Variants in SCARB2 observed in about 807,000 individuals in gnomAD.
The protein encoded by SCARB2 is lysosome membrane protein 2.
In SCARB2, 29 loss-of-function variants were observed where a neutral mutation model predicts 58.6. The ratio of observed to expected loss-of-function variants is 0.49; its 90% CI spans 0.37 to 0.67. The LOEUF (loss-of-function observed/expected upper bound fraction) is 0.67, where lower values mean the gene tolerates loss of function less well. SCARB2 is among the 30% of genes least tolerant of loss of function. The pLI is 0.00. For synonymous variants in SCARB2, 195 were observed against 210.1 expected (o/e 0.93, Z 0.62); for missense variants, 488 against 578.5 (o/e 0.84, Z 1.60).
rs1560704596 is a variant in SCARB2, at chr4:76,166,445, A to G, written c.1188-144T>C. ...TTGCTGATTTCTTAGTTATCTTTGC[A>G]AACATGTACCCCAAAAGTTAGATTC... On this transcript the variant is annotated intron_variant, in intron 9 of 11. Coordinates refer to ENST00000264896, the MANE Select transcript of SCARB2 (RefSeq NM_005506.4). 8.5e-6 allele frequency: 7 copies of G among 823,050 alleles called. No homozygotes were observed. In the Admixed American group the frequency reaches 9.7e-5, roughly 11 times the overall value. The allele number at this position is 823,050 out of a possible 1,614,324, so 51.0% of individuals were successfully genotyped here.
At chr4:76,231,681 C>T (rs987221555) in intron 1 of SCARB2, among the ~76,000 whole-genome samples, 4 of 152,178 alleles carry the variant, frequency 2.6e-5, no homozygotes, top group African/African-American at 9.7e-5. Flanking sequence ...GTTTGTTCCA[C>T]AAGGAATCAG....
intron 1 of SCARB2, among the ~76,000 whole-genome samples, chr4:76,231,858 A>G (rs1323174741): frequency 1.3e-5 from 2 of 152,216 alleles, no homozygotes; most frequent in Non-Finnish European, 2.9e-5. Context: ...TGTGTAAACA[A>G]GGGTATGAGG....
rs1242165140 is a variant in SCARB2, at chr4:76,181,074, T to C, written c.303A>G (p.Gln101=). 2 of 1,613,778 alleles carry C rather than the reference T, an allele frequency of 1.2e-6. No homozygotes were observed. Among genetic ancestry groups the C allele is most frequent in the Admixed American group, 3.3e-5 (2 of 60,012 alleles). Residue 101 remains glutamine, a synonymous_variant, in exon 3 of 12, where the codon CAA becomes CAG. Transcript: ENST00000264896. ...ATATTGTTGTTCCATTATCTCCAAA[T>C]TGAATATTTGCTTTGTTTCTGAGTT... ...YRELRNKANI[Q]FGDNGTTISA... is the part of the protein sequence containing the mutation.
intron 10 of SCARB2, chr4:76,165,359 C>T (rs1485060069): frequency 2.0e-5 from 3 of 152,066 alleles, no homozygotes; most frequent in Non-Finnish European, 4.4e-5. Context: ...TTGTATCTAT[C>T]GTATGATTTC....
chr4:76,178,488 A>G (rs1732307726), intron 4 of SCARB2, among the ~76,000 whole-genome samples: 1 of 152,232 alleles, frequency 6.6e-6, no homozygotes, highest in Non-Finnish European at 1.5e-5. Flanking sequence ...TACTTGGCTG[A>G]TGGATTGAAG....
intron 7 of SCARB2, chr4:76,173,700 G>A (rs140276945): frequency 4.0e-4 from 81 of 200,378 alleles, no homozygotes; most frequent in African/African-American, 1.8e-3. Context: ...ATGTAAATAT[G>A]TAAAGCACTT....
At chr4:76,170,208 T>C (rs972624012) in intron 7 of SCARB2, among the ~76,000 whole-genome samples, 1 of 152,212 alleles carries the variant, frequency 6.6e-6, no homozygotes, top group African/African-American at 2.4e-5. Context: ...CCACATTATA[T>C]ATTGAAGTTC....
At chr4:76,214,286 C>T (rs1182713417), upstream of SCARB2, 1 of 456,118 alleles carries the variant, frequency 2.2e-6, no homozygotes, top group Non-Finnish European at 4.4e-6. Context: ...TGCCAGCAAG[C>T]ATGTTCTGCC....
chr4:76,175,567 G>A, intron 6 of SCARB2: 2 of 566,456 alleles, frequency 3.5e-6, no homozygotes, highest in Non-Finnish European at 3.1e-6. Flanking sequence ...TTTGCCCAAG[G>A]TCACACAGCT....
intron 9 of SCARB2, chr4:76,166,522 T>G (rs1732012230): frequency 1.7e-6 from 1 of 601,832 alleles, no homozygotes; most frequent in East Asian, 2.8e-5. Context: ...CACAAGATAC[T>G]GAAGGCAGAT....
In SCARB2 at chr4:76,166,236, G is replaced by A. The variant is rs143699909; in HGVS notation, c.1239+14C>T. On this transcript the variant is annotated intron_variant, in intron 10 of 11. Coordinates refer to ENST00000264896, the MANE Select transcript of SCARB2 (RefSeq NM_005506.4). ...TCTGAAAACACCCGTGGCTCCCTCC[G>A]TCTCAGGACTTACCTCATTGAGGTA... is the stretch of plus-strand genomic sequence containing the variant. The A allele has an allele frequency of 6.2e-3, 9,987 of 1,613,662 alleles. 43 individuals carry two copies. The highest frequency in any genetic ancestry group is 7.2e-3 in the Non-Finnish European group (8,528 of 1,179,652).
intron 5 of SCARB2, 195 bp from the exon 6 acceptor site, chr4:76,176,105 CAATGGCCAAATAGCCCAAAACATG>C (rs1351668847): frequency 2.9e-6 from 2 of 681,082 alleles, no homozygotes; most frequent in African/African-American, 3.6e-5. Flanking sequence ...TTCATAGAGG[CAATGGCCAAATAGCCCAAAACATG>C]TGGTGGTTTG....
chr4:76,232,835 A>G (rs960789215), intron 1 of SCARB2, among the ~76,000 whole-genome samples: 3 of 152,236 alleles, frequency 2.0e-5, no homozygotes, highest in Non-Finnish European at 4.4e-5. Context: ...ATTTGATATT[A>G]TGAAATAGTG....
rs558591179 is a variant in SCARB2, at chr4:76,167,034, CTGTT to C, written c.1188-737_1188-734del. Among the ~76,000 whole-genome samples, 443 of 152,274 alleles carry C rather than the reference CTGTT, an allele frequency of 2.9e-3. 3 individuals carry two copies. The highest frequency in any genetic ancestry group is 9.9e-3 in the African/African-American group (413 of 41,546). ...AATATATTATGCATAGTTTTGCATC[CTGTT>C]TATTTCACTCAACATTATATCATAA... On this transcript the variant is annotated intron_variant, in intron 9 of 11. Transcript: ENST00000264896.
In SCARB2 at chr4:76,228,260, A is replaced by G. The variant is rs992922473; in HGVS notation, c.-358+6043T>C. Among the ~76,000 whole-genome samples the G allele has an allele frequency of 2.0e-5, 3 of 152,120 alleles. No homozygotes were observed. The East Asian group carries it at 5.8e-4, about 29-fold the overall frequency. On this transcript the variant is annotated intron_variant, in intron 1 of 11. Transcript: ENST00000638295. The stretch of plus-strand genomic sequence containing the variant: ...GGGGAGGCTGAGGGGGGTGCAGATC[A>G]TTTGAGATCAGGAGTTAGAGACCAG...
intron 1 of SCARB2, among the ~76,000 whole-genome samples, chr4:76,224,339 CT>C: frequency 6.6e-6 from 1 of 152,254 alleles, no homozygotes; most frequent in African/African-American, 2.4e-5. Flanking sequence ...AGTTTTGCAA[CT>C]TAGAGCCAGG....
At chr4:76,185,049 CATT>C (rs1732458341) in intron 2 of SCARB2, among the ~76,000 whole-genome samples, 2 of 152,200 alleles carry the variant, frequency 1.3e-5, no homozygotes, top group Admixed American at 1.3e-4. Flanking sequence ...ACTTAGAAAT[CATT>C]AACTCCACCT....
At chr4:76,217,831 T>A, upstream of SCARB2, 1 of 403,048 alleles carries the variant, frequency 2.5e-6, no homozygotes, top group Admixed American at 4.3e-5. Flanking sequence ...TGATTGCTGG[T>A]GCCTGTTGAA....
chr4:76,189,104 A>T (rs996439068), intron 2 of SCARB2, among the ~76,000 whole-genome samples: 1 of 152,232 alleles, frequency 6.6e-6, no homozygotes, highest in African/African-American at 2.4e-5. Flanking sequence ...ACAGTTGAAG[A>T]TGTTTAATTT....
Sources: allele counts gnomAD v4.1 joint callset (sites outside exome capture counted in the v4.1 genomes callset), GRCh38; gene constraint gnomAD v4.1.1; transcripts MANE v1.5; gene names NCBI Gene and HGNC (gene_info 2026-07-23, HGNC 2026-07-21).